Variants in ADCY6 observed in about 807,000 individuals in gnomAD.
ADCY6 encodes the protein adenylate cyclase type 6.
A neutral mutation model predicts 111.6 loss-of-function variants in ADCY6; 59 were observed. The observed-to-expected ratio is 0.53, with a 90% CI of 0.43 to 0.66. The LOEUF (loss-of-function observed/expected upper bound fraction) is 0.66. Ranked by LOEUF, ADCY6 falls within the 30% of genes least tolerant of loss-of-function variation. The probability of loss-of-function intolerance (pLI) is 0.00; values close to 1 mark genes in which losing one functional copy is unlikely to be tolerated. For synonymous variants in ADCY6, 576 were observed against 642.9 expected (o/e 0.90, Z 1.57); for missense variants, 1,242 against 1,595.6 (o/e 0.78, Z 3.78).
intron 13 of ADCY6, 58 bp from the exon 14 acceptor site, chr12:48,774,576 C>A: frequency 6.3e-7 from 1 of 1,583,848 alleles, no homozygotes. Flanking sequence ...GGAATGGCAA[C>A]CAGGGATGGG....
chr12:48,773,836 C>G, intron 15 of ADCY6, 104 bp downstream of exon 15: 1 of 1,502,610 alleles, frequency 6.7e-7, no homozygotes. Context: ...GTGGGAGACT[C>G]TGGTGAGTTC....
Position 48,783,088 on chromosome 12 carries a change from C to T in ADCY6, c.347G>A (p.Arg116Gln), listed in dbSNP as rs763633558. 66 of 1,612,028 alleles carry T rather than the reference C, an allele frequency of 4.1e-5. No individual in the cohort carries two copies. Among genetic ancestry groups the T allele is most frequent in the South Asian group, 8.8e-5 (8 of 91,060 alleles). Reference sequence around the variant, plus strand: ...CTGCACCAGACGGCGCCAGCAGGATCGCCCACTCCTGGGCACCGCGTCGGG... The same window carrying T: ...CTGCACCAGACGGCGCCAGCAGGATTGCCCACTCCTGGGCACCGCGTCGGG... The part of the protein sequence containing the change: ...VAPDAVPRSG[R>Q]SCWRRLVQVF... Residue 116 changes from arginine to glutamine, a missense_variant, in exon 2 of 22, where the codon CGA becomes CAA. Transcript: ENST00000357869.
Position 48,778,872 on chromosome 12 carries a change from A to ATTTTTTTTTTTTTT in ADCY6, c.865-629_865-616dup, listed in dbSNP as rs1037254707. 8.0e-4 allele frequency among the ~76,000 whole-genome samples: 58 copies of ATTTTTTTTTTTTTT among 72,416 alleles called. 6 individuals are homozygous for ATTTTTTTTTTTTTT. Among genetic ancestry groups the ATTTTTTTTTTTTTT allele is most frequent in the African/African-American group, 3.4e-3 (57 of 16,736 alleles). The allele number at this position is 72,416 out of a possible 152,430, so 47.5% of individuals were successfully genotyped here. A position where few individuals can be genotyped will look rare whatever the true frequency, so the allele number is the denominator to read the frequency against. On this transcript the variant is annotated intron_variant, in intron 2 of 21. Coordinates refer to ENST00000357869, the MANE Select transcript of ADCY6 (RefSeq NM_015270.5). ...GTGTCTTCTATACACTGAATAACAC[A>ATTTTTTTTTTTTTT]TTTTTTTTTTTTTTTTTTTTTTTTT...
At chr12:48,775,522 T>A in intron 10 of ADCY6, 72 bp from the exon 11 acceptor site, 1 of 1,600,734 alleles carries the variant, frequency 6.2e-7, no homozygotes, top group Non-Finnish European at 8.5e-7. Flanking sequence ...AGGAAAGGTA[T>A]GGACAGCACC....
Position 48,778,249 on chromosome 12 carries a change from G to T in ADCY6, c.873C>A (p.Ala291=). ...GDAFLWKQLG[A]NVLLFLCTNV... is the part of the protein sequence containing the mutation. Reference sequence around the variant, plus strand: ...TGGTGCAGAGGAACAGCAGCACATTGGCACCGAGCTGCAGGAGGTGGCAGA... The same window carrying T: ...TGGTGCAGAGGAACAGCAGCACATTTGCACCGAGCTGCAGGAGGTGGCAGA... The change falls in exon 3 of 22, where the codon GCC becomes GCA. Residue 291 remains alanine, a synonymous_variant. Coordinates refer to ENST00000357869, the MANE Select transcript of ADCY6 (RefSeq NM_015270.5). 1 of 1,614,086 alleles carries T rather than the reference G, an allele frequency of 6.2e-7. No homozygotes were observed. Among genetic ancestry groups the T allele is most frequent in the South Asian group, 1.1e-5 (1 of 91,074 alleles).
At chr12:48,784,880 T>C (rs980734007) in intron 1 of ADCY6, among the ~76,000 whole-genome samples, 1 of 152,050 alleles carries the variant, frequency 6.6e-6, no homozygotes, top group Non-Finnish European at 1.5e-5. Context: ...TTAGCTAGGA[T>C]GGTCTCGATC....
chr12:48,779,708 C>T (rs1018060297), intron 2 of ADCY6, among the ~76,000 whole-genome samples: 4 of 152,166 alleles, frequency 2.6e-5, no homozygotes, highest in African/African-American at 7.2e-5. Context: ...CTGGAGCTTG[C>T]GGCTCCACCC....
chr12:48,782,970 C>T lies in ADCY6; in HGVS notation c.465G>A (p.Leu155=). 3.1e-6 allele frequency: 5 copies of T among 1,613,668 alleles called. No homozygotes were observed. Among genetic ancestry groups the T allele is most frequent in the Non-Finnish European group, 4.2e-6 (5 of 1,179,912 alleles). Residue 155 remains leucine, a synonymous_variant, in exon 2 of 22, where the codon CTG becomes CTA. Transcript: ENST00000357869. This position sits in a 1 kb window ranked among gnomAD's most constrained non-coding sequence, Gnocchi z 4.3. ...FQMNQSSLTL[L]MAVLVLLTAV... ...CTGTGAGCAGCACCAGCACCGCCATCAGCAGCGTCAGGCTGCTCTGGTTCA... is the reference window on the plus strand; with the variant it reads ...CTGTGAGCAGCACCAGCACCGCCATTAGCAGCGTCAGGCTGCTCTGGTTCA...
chr12:48,774,381 G>T, intron 14 of ADCY6, 21 bp downstream of exon 14: 1 of 1,583,648 alleles, frequency 6.3e-7, no homozygotes, highest in Non-Finnish European at 8.7e-7. Context: ...AGAGGTGGGA[G>T]AATTCCCACT....
At chr12:48,779,787 G>A (rs1941796965) in intron 2 of ADCY6, among the ~76,000 whole-genome samples, 1 of 152,214 alleles carries the variant, frequency 6.6e-6, no homozygotes, top group African/African-American at 2.4e-5. Context: ...CTTCCTGGAA[G>A]CCAGAGGTTC....
chr12:48,777,753 A>C lies in ADCY6; in HGVS notation c.1015-17T>G, dbSNP rs1941742218. 6.2e-7 allele frequency: 1 copy of C among 1,613,498 alleles called. No individual in the cohort carries two copies. Among genetic ancestry groups the C allele is most frequent in the Admixed American group, 1.7e-5 (1 of 59,998 alleles). The stretch of plus-strand genomic sequence containing the variant: ...CAGCCGCTCCTAGCCCAGTGGTTCC[A>C]ATAGGGCATCACTATACTCTTGGTC... On this transcript the variant is annotated splice_polypyrimidine_tract_variant and intron_variant, in intron 3 of 21. Transcript: ENST00000357869. The surrounding 1 kb of genome is among the most constrained non-coding windows in gnomAD (Gnocchi z 4.9).
In ADCY6 at chr12:48,771,533, C is replaced by T. The variant is rs1448756054; in HGVS notation, c.3051+177G>A. On this transcript the variant is annotated intron_variant, in intron 19 of 21. Coordinates refer to ENST00000357869, the MANE Select transcript of ADCY6 (RefSeq NM_015270.5). This position sits in a 1 kb window ranked among gnomAD's most constrained non-coding sequence, Gnocchi z 4.3. ...TGCCCCACTAGGGCTGACCCCCTTG[C>T]TGCCTCTGACACCTTCATGGGTTCT... 9.8e-7 allele frequency: 1 copy of T among 1,025,626 alleles called. No homozygotes were observed. The highest frequency in any genetic ancestry group is 1.3e-5 in the South Asian group (1 of 74,170). 63.5% of individuals were successfully genotyped at this position (1,025,626 alleles called of 1,614,324 possible).
chr12:48,775,954 G>T lies in ADCY6; in HGVS notation c.1806+9C>A. Reference sequence around the variant, plus strand: ...TGAGGCCCTAGGTCTGGTGCTGAGGGCCCCTCACCATCTGGCGGAAGGCCT... The same window carrying T: ...TGAGGCCCTAGGTCTGGTGCTGAGGTCCCCTCACCATCTGGCGGAAGGCCT... On this transcript the variant is annotated intron_variant, in intron 9 of 21. Coordinates refer to ENST00000357869, the MANE Select transcript of ADCY6 (RefSeq NM_015270.5). 1 of 1,595,100 alleles carries T rather than the reference G, an allele frequency of 6.3e-7. No individual in the cohort carries two copies. The highest frequency in any genetic ancestry group is 8.5e-7 in the Non-Finnish European group (1 of 1,171,130).
chr12:48,780,666 G>A (rs1417528719), intron 2 of ADCY6, among the ~76,000 whole-genome samples: 2 of 152,186 alleles, frequency 1.3e-5, no homozygotes, highest in East Asian at 3.9e-4. Context: ...GTCGAGAGCA[G>A]GGAACAGATG....
chr12:48,784,665 GTTTTTTTT>G (rs766502422), intron 1 of ADCY6, among the ~76,000 whole-genome samples: 2 of 72,318 alleles, frequency 2.8e-5, no homozygotes, highest in South Asian at 5.9e-4. Context: ...AAAATCTGGA[GTTTTTTTT>G]TTTTTTTTTT....
At chr12:48,772,195 G>A (rs1941567115) in intron 18 of ADCY6, 100 bp downstream of exon 18, 7 of 1,501,272 alleles carry the variant, frequency 4.7e-6, no homozygotes, top group Non-Finnish European at 6.2e-6. Context: ...GGGCCTAGGT[G>A]TGGCCTGAGC....
In ADCY6 at chr12:48,773,400, G is replaced by A. The variant is rs145375314; in HGVS notation, c.2621+69C>T. ...AGGCACAAGGGGCATGGGCACCAGA[G>A]AGGCTCACAGTGACCTAGAAAGGTG... On this transcript the variant is annotated intron_variant, in intron 16 of 21. Coordinates refer to ENST00000357869, the MANE Select transcript of ADCY6 (RefSeq NM_015270.5). The A allele has an allele frequency of 1.1e-4, 169 of 1,533,868 alleles. 4 individuals are homozygous for A. In the African/African-American group the frequency reaches 1.8e-3, roughly 17 times the overall value.
chr12:48,788,475 G>A (rs1330205246), intron 1 of ADCY6, among the ~76,000 whole-genome samples: 6 of 152,178 alleles, frequency 3.9e-5, no homozygotes, highest in African/African-American at 1.2e-4. Context: ...TTGGGTGAGG[G>A]GAAGGAGAGG....
rs1303647704 is a variant in ADCY6, at chr12:48,776,121, A to T, written c.1678-30T>A. ...GCGGGCAGCATGGGTACAGGCTCAG[A>T]AGAGGGGCCCAGAGGAGGCCTTGGC... On this transcript the variant is annotated intron_variant, in intron 8 of 21. Coordinates refer to ENST00000357869, the MANE Select transcript of ADCY6 (RefSeq NM_015270.5). This position sits in a 1 kb window ranked among gnomAD's most constrained non-coding sequence, Gnocchi z 6.1. 5 of 1,613,820 alleles carry T rather than the reference A, an allele frequency of 3.1e-6. No individual in the cohort carries two copies. Among genetic ancestry groups the T allele is most frequent in the Non-Finnish European group, 4.2e-6 (5 of 1,179,916 alleles).
Sources: allele counts gnomAD v4.1 joint callset (sites outside exome capture counted in the v4.1 genomes callset), GRCh38; gene constraint gnomAD v4.1.1; non-coding constraint Gnocchi (gnomAD v3.1); transcripts MANE v1.5; gene names NCBI Gene and HGNC (gene_info 2026-07-23, HGNC 2026-07-21).